Variants in RBFOX1 observed in about 807,000 individuals in gnomAD.
RBFOX1 encodes RNA binding protein fox-1 homolog 1.
A neutral mutation model predicts 57.7 loss-of-function variants in RBFOX1; 8 were observed. The observed-to-expected ratio is 0.14, with a 90% CI of 0.08 to 0.25. The LOEUF (loss-of-function observed/expected upper bound fraction) is 0.25, where lower values mean the gene tolerates loss of function less well. Ranked by LOEUF, RBFOX1 falls within the 10% of genes least tolerant of loss-of-function variation. The pLI is 1.00. For synonymous variants in RBFOX1, 326 were observed against 222.4 expected (o/e 1.47, Z -4.15); for missense variants, 611 against 548.5 (o/e 1.11, Z -1.14).
At chr16:7,409,023 G>T (rs962576153) in intron 4 of RBFOX1, among the ~76,000 whole-genome samples, 1 of 152,092 alleles carries the variant, frequency 6.6e-6, no homozygotes, top group East Asian at 1.9e-4. Context: ...TCCTGGGCTG[G>T]GCTTTTCTTC....
intron 2 of RBFOX1, among the ~76,000 whole-genome samples, chr16:5,528,043 A>G (rs1056429318): frequency 1.3e-5 from 2 of 152,178 alleles, no homozygotes; most frequent in Non-Finnish European, 2.9e-5. Flanking sequence ...ATGGGTGCTC[A>G]ACATTCAAAC....
chr16:5,686,191 C>G (rs1293826962), intron 3 of RBFOX1, among the ~76,000 whole-genome samples: 2 of 152,048 alleles, frequency 1.3e-5, no homozygotes, highest in Non-Finnish European at 2.9e-5. Context: ...AGAAATGTAT[C>G]AAGAGGAAGA....
At chr16:6,400,502 A>T (rs2093025270) in intron 2 of RBFOX1, among the ~76,000 whole-genome samples, 1 of 152,230 alleles carries the variant, frequency 6.6e-6, no homozygotes, top group African/African-American at 2.4e-5. Context: ...AGAGAGATTT[A>T]AAGTGAATAA....
chr16:5,950,611 C>T (rs1466864168), intron 4 of RBFOX1, among the ~76,000 whole-genome samples: 1 of 152,088 alleles, frequency 6.6e-6, no homozygotes, highest in Admixed American at 6.5e-5. Flanking sequence ...TCAAATTGTC[C>T]GAAGTCTAAC....
intron 3 of RBFOX1, among the ~76,000 whole-genome samples, chr16:5,681,706 C>G (rs369818469): frequency 6.6e-6 from 1 of 152,012 alleles, no homozygotes; most frequent in East Asian, 1.9e-4. Flanking sequence ...AAGATTTTAT[C>G]TGAGACCTGT....
At chr16:7,191,471 G>A (rs1258140712) in intron 4 of RBFOX1, among the ~76,000 whole-genome samples, 4 of 152,160 alleles carry the variant, frequency 2.6e-5, no homozygotes, top group Non-Finnish European at 5.9e-5. Flanking sequence ...GATCACAGTG[G>A]AATGTAAAGA....
At chr16:7,135,559 A>G (rs1352211277) in intron 4 of RBFOX1, among the ~76,000 whole-genome samples, 2 of 152,266 alleles carry the variant, frequency 1.3e-5, no homozygotes, top group Non-Finnish European at 2.9e-5. Flanking sequence ...CAACTTGTGA[A>G]AAATTAAAGT....
At chr16:5,318,892 G>T (rs1168598400) in intron 1 of RBFOX1, among the ~76,000 whole-genome samples, 1 of 152,176 alleles carries the variant, frequency 6.6e-6, no homozygotes, top group African/African-American at 2.4e-5. Flanking sequence ...AAGCACTTTG[G>T]GAGGCTGAGG....
At chr16:6,267,378 T>C (rs564352700) in intron 1 of RBFOX1, among the ~76,000 whole-genome samples, 5 of 152,344 alleles carry the variant, frequency 3.3e-5, no homozygotes, top group Admixed American at 3.3e-4. Context: ...CCGATTTCAC[T>C]ATCTCCTATG....
chr16:6,853,458 A>G lies in RBFOX1; in HGVS notation c.-15-198599A>G, dbSNP rs2094176990. On this transcript the variant is annotated intron_variant, in intron 3 of 15. Transcript: ENST00000550418. ...GGCTTCCTGGTTTAAAAGGCAAATC[A>G]TCCTGATGGAGGATGGTGCCTACAG... Among the ~76,000 whole-genome samples the G allele has an allele frequency of 7.2e-5, 11 of 152,232 alleles. No homozygotes were observed. The South Asian group carries it at 2.3e-3, about 32-fold the overall frequency.
intron 3 of RBFOX1, among the ~76,000 whole-genome samples, chr16:6,919,788 A>G (rs1426362068): frequency 1.9e-5 from 1 of 52,168 alleles, no homozygotes; most frequent in Non-Finnish European, 4.1e-5. Context: ...TTTTTTTTTC[A>G]TTATTATTAT....
intron 1 of RBFOX1, among the ~76,000 whole-genome samples, chr16:5,318,928 T>G (rs2151243104): frequency 6.6e-6 from 1 of 152,120 alleles, no homozygotes; most frequent in East Asian, 1.9e-4. Context: ...GTTAGGACTT[T>G]CAGCCTGGTC....
At chr16:6,476,041 A>G (rs548757008) in intron 2 of RBFOX1, among the ~76,000 whole-genome samples, 2 of 152,252 alleles carry the variant, frequency 1.3e-5, no homozygotes, top group African/African-American at 4.8e-5. Context: ...AGGTTTTATC[A>G]TCCAGCGTTT....
intron 3 of RBFOX1, among the ~76,000 whole-genome samples, chr16:6,759,250 C>A (rs9931021): frequency 0.41 from 61,545 of 151,464 alleles, 13,130 homozygotes; most frequent in Admixed American, 0.47. Context: ...TCCTGGGTTC[C>A]AGCAGTTCTC....
In RBFOX1 at chr16:7,064,348, T is replaced by C. The variant is rs575584349; in HGVS notation, c.27+12250T>C. On this transcript the variant is annotated intron_variant, in intron 4 of 15. Transcript: ENST00000550418. ...CATACCCAGCTAATTTTTGTATTTT[T>C]AGTAGAGATGGGGTTTCACCATGTT... is the stretch of plus-strand genomic sequence containing the variant. 1.6e-4 allele frequency among the ~76,000 whole-genome samples: 24 copies of C among 152,118 alleles called. 1 individual carries two copies. The East Asian group carries it at 4.6e-3, about 29-fold the overall frequency.
At position 6,301,301 on chromosome 16, in the gene RBFOX1, T is replaced by C. The variant is rs185547267; in HGVS notation, c.-126-15694T>C. On this transcript the variant is annotated intron_variant, in intron 1 of 15. Transcript: ENST00000550418. ...GTCACATGCCAAAGAATGTAGACTA[T>C]GGCTAGAAATTAAGTGGGCTTTTGT... Among the ~76,000 whole-genome samples, 445 of 152,340 alleles carry C rather than the reference T, an allele frequency of 2.9e-3. 1 individual carries two copies. The highest frequency in any genetic ancestry group is 5.4e-3 in the Non-Finnish European group (365 of 68,018).
intron 3 of RBFOX1, among the ~76,000 whole-genome samples, chr16:6,807,858 T>C (rs1044968214): frequency 6.6e-6 from 1 of 150,720 alleles, no homozygotes; most frequent in Non-Finnish European, 1.5e-5. Flanking sequence ...TGAATATGTA[T>C]GTTAGTATAT....
chr16:5,537,091 C>G (rs939918595), intron 2 of RBFOX1, among the ~76,000 whole-genome samples: 13 of 152,184 alleles, frequency 8.5e-5, no homozygotes, highest in African/African-American at 2.7e-4. Context: ...GTTTCTTGTA[C>G]TTCTGCTAGC....
intron 3 of RBFOX1, among the ~76,000 whole-genome samples, chr16:5,803,146 TC>T (rs1422657521): frequency 2.0e-5 from 3 of 152,034 alleles, no homozygotes; most frequent in Admixed American, 6.6e-5. Context: ...GCTGTATCCC[TC>T]CCCCCATCCA....
Sources: gnomAD v4.1 joint callset for allele counts (sites outside exome capture counted in the v4.1 genomes callset) on GRCh38, gnomAD v4.1.1 for gene constraint, MANE v1.5 for transcripts, NCBI Gene and HGNC (gene_info 2026-07-23, HGNC 2026-07-21) for gene names.